PTPN4: variants seen among roughly 807,000 people sequenced by gnomAD.
The protein encoded by PTPN4 is tyrosine-protein phosphatase non-receptor type 4.
A neutral mutation model predicts 135.5 loss-of-function variants in PTPN4; 49 were observed. The observed-to-expected ratio is 0.36, with a 90% confidence interval of 0.29 to 0.46. The LOEUF is 0.46. Among genes scored for constraint, PTPN4 ranks in the 20% least tolerant of loss-of-function variants. The pLI is 1.00. For missense variants in PTPN4, 860 were observed against 1,101.0 expected, an observed-to-expected ratio of 0.78 and a Z score of 3.10; for synonymous variants, 333 against 369.9, an observed-to-expected ratio of 0.90 and a Z score of 1.14.
chr2:119,832,004 A>G (rs1460889700), intron 2 of PTPN4, among the ~76,000 whole-genome samples: 1 of 152,080 alleles, frequency 6.6e-6, no homozygotes, highest in East Asian at 1.9e-4. Context: ...TTTCTTTGCC[A>G]TTCTATGTGG....
intron 2 of PTPN4, among the ~76,000 whole-genome samples, chr2:119,828,922 A>T (rs777954553): frequency 1.3e-4 from 20 of 152,356 alleles, no homozygotes; most frequent in Non-Finnish European, 2.6e-4. Flanking sequence ...CCACCATAGT[A>T]TATGCAGTTT....
At chr2:119,942,350 C>T (rs111390012) in intron 15 of PTPN4, among the ~76,000 whole-genome samples, 2 of 152,258 alleles carry the variant, frequency 1.3e-5, no homozygotes, top group South Asian at 2.1e-4. Flanking sequence ...TAGGCCCATA[C>T]AGGTTTGGCT....
intron 5 of PTPN4, among the ~76,000 whole-genome samples, chr2:119,879,566 C>T (rs1470044546): frequency 6.6e-6 from 1 of 152,164 alleles, no homozygotes; most frequent in Non-Finnish European, 1.5e-5. Flanking sequence ...GGCCACATCC[C>T]TAGATAATTC....
At chr2:119,783,016 A>G (rs963891133) in intron 1 of PTPN4, among the ~76,000 whole-genome samples, 7 of 146,962 alleles carry the variant, frequency 4.8e-5, no homozygotes, top group Admixed American at 1.4e-4. Context: ...TTTTTTTACT[A>G]AATTCCAGAT....
chr2:119,833,945 A>G (rs550395392), intron 2 of PTPN4, among the ~76,000 whole-genome samples: 10 of 152,156 alleles, frequency 6.6e-5, no homozygotes, highest in African/African-American at 2.4e-4. Context: ...ATTTAGGCCC[A>G]AGGCCTGCAC....
Position 119,981,754 on chromosome 2 carries a change from C to G in PTPN4, c.*4684C>G, listed in dbSNP as rs1026769266. 3.3e-5 allele frequency: 5 copies of G among 151,978 alleles called. No homozygotes were observed. Among genetic ancestry groups the G allele is most frequent in the African/African-American group, 1.2e-4 (5 of 41,356 alleles). 9.4% of individuals were successfully genotyped at this position (151,978 alleles called of 1,614,324 possible). A position where few individuals can be genotyped will look rare whatever the true frequency, so the allele number is the denominator to read the frequency against. ...GTGTGTCTTACAATGTTATAAAAAA[C>G]AAACAGCAATCTCTGTTTCTGCCAG... On this transcript the variant is annotated 3_prime_UTR_variant, in exon 27 of 27. Transcript: ENST00000263708.
rs1690756605 is a variant in PTPN4, at chr2:119,772,672, G to A, written c.-18+12288G>A. Among the ~76,000 whole-genome samples the A allele has an allele frequency of 2.0e-5, 3 of 152,280 alleles. No individual in the cohort carries two copies. The South Asian group carries it at 6.2e-4, about 32-fold the overall frequency. ...CCTGCCTCAGCCTTCCAAGTAGCTG[G>A]GATTACAGGCTCACGCCACCACACC... is the stretch of plus-strand genomic sequence containing the variant. On this transcript the variant is annotated intron_variant, in intron 1 of 26. Transcript: ENST00000263708.
At chr2:119,928,584 A>G (rs558004163) in intron 13 of PTPN4, among the ~76,000 whole-genome samples, 180 of 152,278 alleles carry the variant, frequency 1.2e-3, no homozygotes, top group African/African-American at 4.2e-3. Flanking sequence ...AAAATCCTAT[A>G]ATTTAAACCT....
intron 2 of PTPN4, among the ~76,000 whole-genome samples, chr2:119,837,353 C>A (rs956488891): frequency 6.6e-6 from 1 of 152,100 alleles, no homozygotes; most frequent in Non-Finnish European, 1.5e-5. Context: ...GGACACTTGT[C>A]GGGTCGACCT....
At chr2:119,951,952 C>T in intron 18 of PTPN4, 21 bp from the exon 19 acceptor site, 3 of 1,559,438 alleles carry the variant, frequency 1.9e-6, no homozygotes, top group Non-Finnish European at 2.6e-6. Flanking sequence ...AATCTGAAAC[C>T]TTATCTATAT....
At chr2:119,854,746 C>A (rs923321258) in intron 2 of PTPN4, among the ~76,000 whole-genome samples, 1 of 152,184 alleles carries the variant, frequency 6.6e-6, no homozygotes, top group Non-Finnish European at 1.5e-5. Flanking sequence ...AAAGAGCTAA[C>A]CAATTCCGTA....
intron 11 of PTPN4, among the ~76,000 whole-genome samples, chr2:119,918,557 C>T (rs1176503983): frequency 2.0e-5 from 3 of 152,066 alleles, no homozygotes. Flanking sequence ...CAGATTATAA[C>T]CAAAATGTGC....
At chr2:119,801,244 C>T (rs527964110) in intron 1 of PTPN4, among the ~76,000 whole-genome samples, 3 of 152,070 alleles carry the variant, frequency 2.0e-5, no homozygotes, top group South Asian at 4.1e-4. Flanking sequence ...TGCATCACCA[C>T]GCCTGGCTAA....
At chr2:119,782,958 T>C (rs1049474384) in intron 1 of PTPN4, among the ~76,000 whole-genome samples, 3 of 151,362 alleles carry the variant, frequency 2.0e-5, no homozygotes, top group African/African-American at 7.3e-5. Flanking sequence ...TCCTCCTGCC[T>C]TGGTATTACA....
At chr2:119,900,851 A>T in intron 10 of PTPN4, 45 bp downstream of exon 10, 1 of 1,132,716 alleles carries the variant, frequency 8.8e-7, no homozygotes, top group East Asian at 2.6e-5. Context: ...CTGTATTACT[A>T]AATATAATAA....
At chr2:119,908,447 G>T (rs1678521194) in intron 10 of PTPN4, among the ~76,000 whole-genome samples, 1 of 152,212 alleles carries the variant, frequency 6.6e-6, no homozygotes, top group South Asian at 2.1e-4. Context: ...GTATGTTATT[G>T]TATCAGTGAT....
At chr2:119,932,820 C>T (rs1437093375) in intron 14 of PTPN4, among the ~76,000 whole-genome samples, 1 of 152,038 alleles carries the variant, frequency 6.6e-6, no homozygotes, top group African/African-American at 2.4e-5. Flanking sequence ...GTTAAGAGTC[C>T]CTGATAAATG....
intron 9 of PTPN4, among the ~76,000 whole-genome samples, chr2:119,896,347 T>C (rs1335647221): frequency 6.6e-6 from 1 of 152,260 alleles, no homozygotes; most frequent in Admixed American, 6.5e-5. Context: ...GCTTCTTCTC[T>C]TGTGCTTAGA....
At chr2:119,965,443 G>A in intron 24 of PTPN4, 54 bp from the exon 25 acceptor site, 5 of 1,499,122 alleles carry the variant, frequency 3.3e-6, no homozygotes, top group Non-Finnish European at 3.6e-6. Context: ...AGGTTTGTAG[G>A]GACAATTTCA....
Sources: allele counts gnomAD v4.1 joint callset (sites outside exome capture counted in the v4.1 genomes callset), GRCh38; gene constraint gnomAD v4.1.1; transcripts MANE v1.5; gene names NCBI Gene and HGNC (gene_info 2026-07-23, HGNC 2026-07-21).